Variants in FREM3 observed in about 807,000 individuals in gnomAD.
FREM3 encodes FRAS1-related extracellular matrix protein 3.
A neutral mutation model predicts 129.1 loss-of-function variants in FREM3; 105 were observed. The ratio of observed to expected loss-of-function variants is 0.81; its 90% CI spans 0.69 to 0.96. The LOEUF is 0.96. FREM3 is among the 40% of genes least tolerant of loss of function. The pLI is 0.00. For missense variants in FREM3, 2,593 were observed against 2,666.3 expected, an observed-to-expected ratio of 0.97 and a Z score of 0.61; for synonymous variants, 1,014 against 1,044.9, an observed-to-expected ratio of 0.97 and a Z score of 0.57.
Position 143,697,256 on chromosome 4 carries a change from G to T in FREM3, c.3420C>A (p.Ser1140=). The T allele has an allele frequency of 6.5e-7, 1 of 1,537,510 alleles. No homozygotes were observed. The highest frequency in any genetic ancestry group is 8.7e-7 in the Non-Finnish European group (1 of 1,146,944). ...SQSGSPISAF[S]LRDIQVRHIN... Reference sequence around the variant, plus strand: ...TATGCCTCACTTGGATATCTCTGAGGGAGAAAGCACTGATAGGGCTACCAG... The same window carrying T: ...TATGCCTCACTTGGATATCTCTGAGTGAGAAAGCACTGATAGGGCTACCAG... The change falls in exon 1 of 8, where the codon TCC becomes TCA. Residue 1140 remains serine (S), a synonymous_variant. Transcript: ENST00000329798.
In FREM3 at chr4:143,696,469, C is replaced by T. The variant is rs1448183978; in HGVS notation, c.4207G>A (p.Val1403Ile). 2 of 1,537,622 alleles carry T rather than the reference C, an allele frequency of 1.3e-6. No homozygotes were observed. Among genetic ancestry groups the T allele is most frequent in the South Asian group, 2.4e-5 (2 of 84,054 alleles). The change falls in exon 1 of 8, where the codon GTT becomes ATT. Residue 1403 changes from valine (V) to isoleucine (I), a missense_variant. Physicochemically the swap from Val to Ile is conservative, Grantham distance 29. This residue lies in a region of FREM3 where 2,276 missense variants were observed against 2,267.2 expected (regional missense o/e 1.00). Transcript: ENST00000329798. ...GTCAAAGTGTTAACCCCATCAGTAACATCAAACTTGATAATGTCAACAATC... is the reference window on the plus strand; with the variant it reads ...GTCAAAGTGTTAACCCCATCAGTAATATCAAACTTGATAATGTCAACAATC... ...EGIVDIIKFDVTDGVNTLTDH... is the reference protein window; with the variant it reads ...EGIVDIIKFDITDGVNTLTDH...
chr4:143,660,795 T>G (rs1007896377), intron 2 of FREM3, among the ~76,000 whole-genome samples: 31 of 152,082 alleles, frequency 2.0e-4, no homozygotes, highest in Middle Eastern at 3.4e-3. Flanking sequence ...GAAGAGGTCC[T>G]TCACGTCCCT....
chr4:143,675,568 C>CA (rs1425139859), intron 2 of FREM3, among the ~76,000 whole-genome samples: 92 of 152,170 alleles, frequency 6.0e-4, no homozygotes. Context: ...GATAGAGACA[C>CA]AAAAAACCCT....
intron 3 of FREM3, among the ~76,000 whole-genome samples, chr4:143,626,420 C>T (rs1739038196): frequency 2.6e-5 from 4 of 152,040 alleles, no homozygotes; most frequent in Admixed American, 2.6e-4. Flanking sequence ...ACAGGGTGGC[C>T]AGAAGGATTT....
intron 7 of FREM3, among the ~76,000 whole-genome samples, chr4:143,584,460 A>G (rs949373464): frequency 1.3e-5 from 2 of 152,172 alleles, no homozygotes; most frequent in Non-Finnish European, 2.9e-5. Context: ...ATGGAAAACA[A>G]AAAAAGCAGG....
chr4:143,674,262 C>T (rs966911729), intron 2 of FREM3, among the ~76,000 whole-genome samples: 1 of 152,220 alleles, frequency 6.6e-6, no homozygotes. Flanking sequence ...AAAGAATTTT[C>T]ATCCCAGAAT....
intron 2 of FREM3, among the ~76,000 whole-genome samples, chr4:143,642,766 G>T (rs143376456): frequency 2.0e-4 from 31 of 152,252 alleles, no homozygotes; most frequent in Admixed American, 2.0e-3. Context: ...CACAGGCAAT[G>T]AAAGCAAAAA....
chr4:143,682,665 C>G (rs780876291), intron 2 of FREM3, among the ~76,000 whole-genome samples: 1 of 152,170 alleles, frequency 6.6e-6, no homozygotes, highest in Non-Finnish European at 1.5e-5. Flanking sequence ...TGCAAAGAAC[C>G]TGGACAACTT....
chr4:143,693,486 A>G, intron 1 of FREM3, among the ~76,000 whole-genome samples: 1 of 152,188 alleles, frequency 6.6e-6, no homozygotes, highest in Non-Finnish European at 1.5e-5. Context: ...AAGGAACACT[A>G]TACATTGTTG....
At chr4:143,584,334 G>A (rs761919824) in intron 7 of FREM3, among the ~76,000 whole-genome samples, 3 of 150,572 alleles carry the variant, frequency 2.0e-5, no homozygotes, top group Non-Finnish European at 4.4e-5. Context: ...GCGTGAACCC[G>A]GGAAGCGGAG....
At chr4:143,644,175 ATATG>A (rs1481852579) in intron 2 of FREM3, among the ~76,000 whole-genome samples, 1 of 115,020 alleles carries the variant, frequency 8.7e-6, no homozygotes, top group East Asian at 3.5e-4. Context: ...CCTGCTCTGC[ATATG>A]TGTGTGTGTG....
At chr4:143,652,249 G>A (rs1162589984) in intron 2 of FREM3, among the ~76,000 whole-genome samples, 2 of 44,068 alleles carry the variant, frequency 4.5e-5, no homozygotes, top group African/African-American at 5.9e-5. Context: ...TGCAAGCTCC[G>A]CTTCCCGGGT....
Position 143,698,798 on chromosome 4 carries a change from A to T in FREM3, c.1878T>A (p.Asp626Glu), listed in dbSNP as rs1361601374. The T allele has an allele frequency of 6.5e-6, 10 of 1,537,650 alleles. No individual in the cohort carries two copies. Among genetic ancestry groups the T allele is most frequent in the Admixed American group, 2.0e-5 (1 of 50,994 alleles). The change falls in exon 1 of 8, where the codon GAT becomes GAA. Residue 626 changes from aspartate (D) to glutamate (E), a missense_variant. Asp to Glu is a conservative substitution (Grantham distance 45). Coordinates refer to ENST00000329798, the MANE Select transcript of FREM3 (RefSeq NM_001168235.2). ...CCTTTTCCATGTAGTGCCAGTCTTC[A>T]TCTTCAGTTGAGAGAGGTAGTTCAG... Reference protein sequence around the residue: ...QQAELPLSTEDEDWHYMEKEG... With the variant: ...QQAELPLSTEEEDWHYMEKEG...
rs1446962511 is a variant in FREM3 at position 143,697,819 on chromosome 4, A to G, written c.2857T>C (p.Leu953=). ...PRISLRSSSL[L]DVSIDVLENK... ...TCTAGTACGTCTATAGAAACATCCA[A>G]TAATGAACTACTTCTGAGAGAGATC... Residue 953 remains leucine, a synonymous_variant, in exon 1 of 8, where the codon TTG becomes CTG. Coordinates refer to ENST00000329798, the MANE Select transcript of FREM3 (RefSeq NM_001168235.2). 2 of 1,537,600 alleles carry G rather than the reference A, an allele frequency of 1.3e-6. No homozygotes were observed. The highest frequency in any genetic ancestry group is 1.7e-6 in the Non-Finnish European group (2 of 1,147,030).
chr4:143,633,668 T>C (rs1497609), intron 2 of FREM3, among the ~76,000 whole-genome samples: 41,019 of 152,184 alleles, frequency 0.27, 6,660 homozygotes, highest in Middle Eastern at 0.39. Context: ...ATTGATGCAA[T>C]GCACACATTT....
chr4:143,627,075 G>A (rs1739051552), intron 3 of FREM3, among the ~76,000 whole-genome samples: 1 of 152,060 alleles, frequency 6.6e-6, no homozygotes, highest in South Asian at 2.1e-4. Flanking sequence ...TTATGTATGT[G>A]TTTACTCCAA....
chr4:143,640,671 AAAAG>A (rs1739307759), intron 2 of FREM3, among the ~76,000 whole-genome samples: 1 of 152,204 alleles, frequency 6.6e-6, no homozygotes, highest in African/African-American at 2.4e-5. Flanking sequence ...ACTTCATCTC[AAAAG>A]AAAGAATTTT....
chr4:143,631,242 A>G (rs1739135240), intron 2 of FREM3, among the ~76,000 whole-genome samples: 1 of 152,174 alleles, frequency 6.6e-6, no homozygotes, highest in South Asian at 2.1e-4. Flanking sequence ...CTTAGTTCCT[A>G]ATGCTTAAAT....
At chr4:143,667,540 T>A (rs945607850) in intron 2 of FREM3, among the ~76,000 whole-genome samples, 3 of 151,650 alleles carry the variant, frequency 2.0e-5, no homozygotes, top group Admixed American at 6.6e-5. Flanking sequence ...AGGAAACTCA[T>A]TTTTTTTTCT....
Sources: gnomAD v4.1 joint callset for allele counts (sites outside exome capture counted in the v4.1 genomes callset) on GRCh38, gnomAD v4.1.1 for gene constraint, gnomAD v4.1.1 regional missense constraint, MANE v1.5 for transcripts, NCBI Gene and HGNC (gene_info 2026-07-23, HGNC 2026-07-21) for gene names.